Variants in SLC30A1 observed in about 807,000 individuals in gnomAD.
The protein encoded by SLC30A1 is solute carrier family 30 member 1.
SLC30A1 carries 7 observed loss-of-function variants against 29.8 expected under a neutral mutation model. The ratio of observed to expected loss-of-function variants is 0.23; its 90% CI spans 0.13 to 0.44. The LOEUF (loss-of-function observed/expected upper bound fraction) is 0.44, where lower values mean the gene tolerates loss of function less well. Ranked by LOEUF, SLC30A1 falls within the 20% of genes least tolerant of loss-of-function variation. SLC30A1 has a pLI of 1.00. For synonymous variants in SLC30A1, 254 were observed against 253.5 expected, an observed-to-expected ratio of 1.00 and a Z score of -0.02; for missense variants, 446 against 647.9, an observed-to-expected ratio of 0.69 and a Z score of 3.38.
Position 211,574,495 on chromosome 1 carries a change from GATTAC to G in SLC30A1, c.*888_*892del, listed in dbSNP as rs1005660952. 9 of 152,146 alleles carry G rather than the reference GATTAC, an allele frequency of 5.9e-5. No homozygotes were observed. The highest frequency in any genetic ancestry group is 7.4e-5 in the Non-Finnish European group (5 of 67,930). 9.4% of individuals were successfully genotyped at this position (152,146 alleles called of 1,614,324 possible). A position where few individuals can be genotyped will look rare whatever the true frequency, so the allele number is the denominator to read the frequency against. On this transcript the variant is annotated 3_prime_UTR_variant, in exon 2 of 2. Transcript: ENST00000367001. ...TTTTTTTCAAACGCCCGGTTTAAAA[GATTAC>G]ATTAATCGTTTGCGTTTAGCATGTA...
chr1:211,578,944 G>A lies in SLC30A1; in HGVS notation c.-332C>T, dbSNP rs1164975889. Among the ~76,000 whole-genome samples the A allele has an allele frequency of 6.6e-6, 1 of 152,230 alleles. No homozygotes were observed. The highest frequency in any genetic ancestry group is 1.5e-5 in the Non-Finnish European group (1 of 68,032). On this transcript the variant is annotated 5_prime_UTR_variant, in exon 1 of 2. Coordinates refer to ENST00000367001, the MANE Select transcript of SLC30A1 (RefSeq NM_021194.3). Reference sequence around the variant, plus strand: ...CGGGGAGCTGGGCTCCCGGAGCCGGGGTACCAAGAGCCGCAGCCGGAGCAG... The same window carrying A: ...CGGGGAGCTGGGCTCCCGGAGCCGGAGTACCAAGAGCCGCAGCCGGAGCAG...
rs1167539492 is a variant in SLC30A1, at chr1:211,575,371, C to T, written c.*17G>A. ...GCAGTTTAAAGCAAAAGTCAAATAT[C>T]ACATCTTTTTCAAGACTCACAAAGA... On this transcript the variant is annotated 3_prime_UTR_variant, in exon 2 of 2. Coordinates refer to ENST00000367001, the MANE Select transcript of SLC30A1 (RefSeq NM_021194.3). The surrounding 1 kb of genome is among the most constrained non-coding windows in gnomAD (Gnocchi z 6.0). The T allele has an allele frequency of 1.3e-6, 2 of 1,549,068 alleles. No individual in the cohort carries two copies. Among genetic ancestry groups the T allele is most frequent in the Non-Finnish European group, 1.7e-6 (2 of 1,151,722 alleles).
At position 211,577,737 on chromosome 1, in the gene SLC30A1, TC is replaced by T. The variant is rs1021378469; in HGVS notation, c.622+253del. 6.6e-6 allele frequency among the ~76,000 whole-genome samples: 1 copy of T among 152,208 alleles called. No individual in the cohort carries two copies. Among genetic ancestry groups the T allele is most frequent in the African/African-American group, 2.4e-5 (1 of 41,452 alleles). On this transcript the variant is annotated intron_variant, in intron 1 of 1. Transcript: ENST00000367001. The surrounding 1 kb of genome is among the most constrained non-coding windows in gnomAD (Gnocchi z 4.5). ...ATGATGATCACCTCCTGACCCTTTT[TC>T]TTAGGGTCTGACCCACAGCCCCCAC...
Position 211,575,461 on chromosome 1 carries a change from T to G in SLC30A1, c.1451A>C (p.Lys484Thr). Residue 484 changes from lysine to threonine, a missense_variant, in exon 2 of 2, where the codon AAA (lysine) becomes ACA (threonine). Transcript: ENST00000367001. This position sits in a 1 kb window ranked among gnomAD's most constrained non-coding sequence, Gnocchi z 6.0. ...CACAACAGCAGGGATGTTTTCAGCT[T>G]TAGTCCTCCTGGGCTTCTTCTCTAG... ...NNLEKKPRRT[K>T]AENIPAVVIE... The G allele has an allele frequency of 6.2e-7, 1 of 1,614,084 alleles. No individual in the cohort carries two copies. The highest frequency in any genetic ancestry group is 8.5e-7 in the Non-Finnish European group (1 of 1,179,966).
In SLC30A1 at chr1:211,578,196, G is replaced by A; in HGVS notation, c.417C>T (p.Gly139=). The change falls in exon 1 of 2, where the codon GGC becomes GGT. Residue 139 remains glycine (G), a synonymous_variant. Transcript: ENST00000367001. The stretch of plus-strand genomic sequence containing the variant: ...GGCCGTGGCCGGAGTCCTGGCTGAA[G>A]CCGCTGTGATGGTGGAAGAGGCAGA... ...LGLCLFHHHS[G]FSQDSGHGHS... 1 of 1,610,472 alleles carries A rather than the reference G, an allele frequency of 6.2e-7. No homozygotes were observed. Among genetic ancestry groups the A allele is most frequent in the Non-Finnish European group, 8.5e-7 (1 of 1,178,924 alleles).
In SLC30A1 at chr1:211,578,155, T is replaced by C. The variant is rs747596536; in HGVS notation, c.458A>G (p.His153Arg). 6.2e-7 allele frequency: 1 copy of C among 1,608,280 alleles called. No homozygotes were observed. The highest frequency in any genetic ancestry group is 1.1e-5 in the South Asian group (1 of 90,430). ...DSGHGHSHGG[H>R]GHGHGLPKGP... Reference sequence around the variant, plus strand: ...CTTGGGGAGGCCGTGGCCGTGGCCGTGACCCCCGTGCGAGTGGCCGTGGCC... The same window carrying C: ...CTTGGGGAGGCCGTGGCCGTGGCCGCGACCCCCGTGCGAGTGGCCGTGGCC... Residue 153 changes from histidine (H) to arginine (R), a missense_variant, in exon 1 of 2, where the codon CAC becomes CGC. Around this residue, in one of 5 missense-constraint regions of SLC30A1, gnomAD observed 159 missense variants for 161.1 expected, o/e 0.99. Transcript: ENST00000367001.
At position 211,578,454 on chromosome 1, in the gene SLC30A1, C is replaced by T. The variant is rs1313658445; in HGVS notation, c.159G>A (p.Val53=). ...HMLSDVLALV[V]ALVAERFARR... ...GGGCGAAGCGCTCGGCCACCAGCGC[C>T]ACCACCAGCGCCAGCACGTCCGACA... Residue 53 remains valine (V), a synonymous_variant, in exon 1 of 2, where the codon GTG becomes GTA. Coordinates refer to ENST00000367001, the MANE Select transcript of SLC30A1 (RefSeq NM_021194.3). 1 of 1,612,352 alleles carries T rather than the reference C, an allele frequency of 6.2e-7. No homozygotes were observed. The highest frequency in any genetic ancestry group is 2.2e-5 in the East Asian group (1 of 44,810).
In SLC30A1 at chr1:211,573,089, T is replaced by C. The variant is rs1468817689; in HGVS notation, c.*2299A>G. On this transcript the variant is annotated 3_prime_UTR_variant, in exon 2 of 2. Transcript: ENST00000367001. Reference sequence around the variant, plus strand: ...CCTACAATATTTAAATACAAAAGCATGTCTTTTTTAAAAGATAATGCTAAT... The same window carrying C: ...CCTACAATATTTAAATACAAAAGCACGTCTTTTTTAAAAGATAATGCTAAT... The C allele has an allele frequency of 6.6e-6, 1 of 152,094 alleles. No individual in the cohort carries two copies. The highest frequency in any genetic ancestry group is 2.4e-5 in the African/African-American group (1 of 41,454). 9.4% of individuals were successfully genotyped at this position (152,094 alleles called of 1,614,324 possible). A position where few individuals can be genotyped will look rare whatever the true frequency, so the allele number is the denominator to read the frequency against.
rs1167258748 is a variant in SLC30A1, at chr1:211,571,961, T to TAA, written c.*3425_*3426dup. 4.6e-5 allele frequency: 7 copies of TAA among 152,158 alleles called. No homozygotes were observed. The highest frequency in any genetic ancestry group is 2.6e-4 in the Admixed American group (4 of 15,282). The allele number at this position is 152,158 out of a possible 1,614,324, so 9.4% of individuals were successfully genotyped here. On this transcript the variant is annotated 3_prime_UTR_variant, in exon 2 of 2. Transcript: ENST00000367001. Reference sequence around the variant, plus strand: ...ATTTGTGTCTTTTTATATATATATATAACCACATATTAATTGTATGTTACA... The same window carrying TAA: ...ATTTGTGTCTTTTTATATATATATATAAAACCACATATTAATTGTATGTTACA...
chr1:211,578,318 C>T lies in SLC30A1; in HGVS notation c.295G>A (p.Glu99Lys), dbSNP rs915815483. The change falls in exon 1 of 2, where the codon GAG becomes AAG. Residue 99 changes from glutamate (E) to lysine (K), a missense_variant. Glu to Lys is a moderately conservative substitution (Grantham distance 56). Transcript: ENST00000367001. ...GGCTCGATGAAGCGCTCGATGGCCT[C>T]CAGCAGGATGGCGAAACAGAGGCCA... ...LTGLCFAILL[E>K]AIERFIEPHE... is the part of the protein sequence containing the mutation. The T allele has an allele frequency of 6.2e-7, 1 of 1,613,446 alleles. No individual in the cohort carries two copies. Among genetic ancestry groups the T allele is most frequent in the African/African-American group, 1.3e-5 (1 of 75,060 alleles).
rs377184136 is a variant in SLC30A1 at position 211,578,270 on chromosome 1, C to A, written c.343G>T (p.Val115Leu). ...IEPHEMQQPL[V>L]VLGVGVAGLL... is the part of the protein sequence containing the mutation. ...CCGGCCACGCCGACCCCAAGGACCACCAGCGGCTGCTGCATCTCGTGCGGC... is the reference window on the plus strand; with the variant it reads ...CCGGCCACGCCGACCCCAAGGACCAACAGCGGCTGCTGCATCTCGTGCGGC... Residue 115 changes from valine (V) to leucine (L), a missense_variant, in exon 1 of 2, where the codon GTG (valine) becomes TTG (leucine). By Grantham distance (32) the Val-to-Leu change is conservative. Coordinates refer to ENST00000367001, the MANE Select transcript of SLC30A1 (RefSeq NM_021194.3). 4 of 1,612,208 alleles carry A rather than the reference C, an allele frequency of 2.5e-6. No individual in the cohort carries two copies. Among genetic ancestry groups the A allele is most frequent in the Non-Finnish European group, 3.4e-6 (4 of 1,179,604 alleles).
rs1706689452 is a variant in SLC30A1, at chr1:211,574,128, G to A, written c.*1260C>T. The A allele has an allele frequency of 6.6e-6, 1 of 152,100 alleles. No individual in the cohort carries two copies. Among genetic ancestry groups the A allele is most frequent in the East Asian group, 1.9e-4 (1 of 5,188 alleles). 9.4% of individuals were successfully genotyped at this position (152,100 alleles called of 1,614,324 possible). ...TGTCACAAAGCATACCCTCTATCAAGAAAAATATAACTTAAACACCCTTAA... is the reference window on the plus strand; with the variant it reads ...TGTCACAAAGCATACCCTCTATCAAAAAAAATATAACTTAAACACCCTTAA... On this transcript the variant is annotated 3_prime_UTR_variant, in exon 2 of 2. Transcript: ENST00000367001.
rs933662390 is a variant in SLC30A1, at chr1:211,574,752, T to C, written c.*636A>G. ...TATTTAGTTTGGTAAACTTTCTTCCTTGCTCTTACTACCCCATTTGCCCCA... is the reference window on the plus strand; with the variant it reads ...TATTTAGTTTGGTAAACTTTCTTCCCTGCTCTTACTACCCCATTTGCCCCA... On this transcript the variant is annotated 3_prime_UTR_variant, in exon 2 of 2. Transcript: ENST00000367001. 6.6e-6 allele frequency: 1 copy of C among 152,198 alleles called. No individual in the cohort carries two copies. Among genetic ancestry groups the C allele is most frequent in the African/African-American group, 2.4e-5 (1 of 41,468 alleles). The allele number at this position is 152,198 out of a possible 1,614,324, so 9.4% of individuals were successfully genotyped here. A position where few individuals can be genotyped will look rare whatever the true frequency, so the allele number is the denominator to read the frequency against.
rs753701650 is a variant in SLC30A1 at position 211,572,966 on chromosome 1, C to T, written c.*2422G>A. 2.6e-5 allele frequency: 4 copies of T among 152,068 alleles called. No individual in the cohort carries two copies. Among genetic ancestry groups the T allele is most frequent in the African/African-American group, 7.2e-5 (3 of 41,444 alleles). 9.4% of individuals were successfully genotyped at this position (152,068 alleles called of 1,614,324 possible). A position where few individuals can be genotyped will look rare whatever the true frequency, so the allele number is the denominator to read the frequency against. Reference sequence around the variant, plus strand: ...AAACTGATGCAGTGTTATAAAATAGCATATTTAAATATTGGGTTTAAGTCT... The same window carrying T: ...AAACTGATGCAGTGTTATAAAATAGTATATTTAAATATTGGGTTTAAGTCT... On this transcript the variant is annotated 3_prime_UTR_variant, in exon 2 of 2. Transcript: ENST00000367001.
Position 211,577,867 on chromosome 1 carries a change from C to T in SLC30A1, c.622+124G>A. Reference sequence around the variant, plus strand: ...GTGTGCAGGACGGGGAGGGAGCAGGCAGGGGCGGCGCGGCGCAGGCCCGCT... The same window carrying T: ...GTGTGCAGGACGGGGAGGGAGCAGGTAGGGGCGGCGCGGCGCAGGCCCGCT... On this transcript the variant is annotated intron_variant, in intron 1 of 1. Transcript: ENST00000367001. This position sits in a 1 kb window ranked among gnomAD's most constrained non-coding sequence, Gnocchi z 4.5. The T allele has an allele frequency of 7.7e-7, 1 of 1,296,778 alleles. No homozygotes were observed. Among genetic ancestry groups the T allele is most frequent in the Non-Finnish European group, 1.0e-6 (1 of 960,826 alleles). 80.3% of individuals were successfully genotyped at this position (1,296,778 alleles called of 1,614,324 possible).
chr1:211,578,633 C>A lies in SLC30A1; in HGVS notation c.-21G>T. ...CCCATGGCTGCGGCTGCGGGGCCCGCCGAGCCCGGCCCGGAGACTGGTGCA... is the reference window on the plus strand; with the variant it reads ...CCCATGGCTGCGGCTGCGGGGCCCGACGAGCCCGGCCCGGAGACTGGTGCA... On this transcript the variant is annotated 5_prime_UTR_variant, in exon 1 of 2. Transcript: ENST00000367001. The A allele has an allele frequency of 6.6e-7, 1 of 1,517,530 alleles. No homozygotes were observed. Among genetic ancestry groups the A allele is most frequent in the Admixed American group, 2.1e-5 (1 of 48,196 alleles). 94.0% of individuals were successfully genotyped at this position (1,517,530 alleles called of 1,614,324 possible). A position where few individuals can be genotyped will look rare whatever the true frequency, so the allele number is the denominator to read the frequency against.
At position 211,575,405 on chromosome 1, in the gene SLC30A1, GTTGT is replaced by G. The variant is rs764199272; in HGVS notation, c.1503_1506del (p.Lys501AsnfsTer9). On this transcript the variant is annotated frameshift_variant, in exon 2 of 2. Coordinates refer to ENST00000367001, the MANE Select transcript of SLC30A1 (RefSeq NM_021194.3). LOFTEE classifies it high-confidence loss of function. This position sits in a 1 kb window ranked among gnomAD's most constrained non-coding sequence, Gnocchi z 6.0. Reference sequence around the variant, plus strand: ...TTCAAGACTCACAAAGATGATTCAGGTTGTTTGTTTGGCATGTTTTTAATCTCTA... The same window carrying G: ...TTCAAGACTCACAAAGATGATTCAGGTTGTTTGGCATGTTTTTAATCTCTA... The G allele has an allele frequency of 8.8e-6, 14 of 1,595,790 alleles. No homozygotes were observed. The highest frequency in any genetic ancestry group is 2.2e-5 in the East Asian group (1 of 44,754).
chr1:211,572,895 A>G lies in SLC30A1; in HGVS notation c.*2493T>C, dbSNP rs181371594. On this transcript the variant is annotated 3_prime_UTR_variant, in exon 2 of 2. Transcript: ENST00000367001. Reference sequence around the variant, plus strand: ...GTTTCTAAACACATATTCTACACTGATCTTGCTCAAATATAAAAGAGCCAG... The same window carrying G: ...GTTTCTAAACACATATTCTACACTGGTCTTGCTCAAATATAAAAGAGCCAG... The G allele has an allele frequency of 6.6e-6, 1 of 152,248 alleles. No individual in the cohort carries two copies. Among genetic ancestry groups the G allele is most frequent in the East Asian group, 1.9e-4 (1 of 5,190 alleles). The allele number at this position is 152,248 out of a possible 1,614,324, so 9.4% of individuals were successfully genotyped here. A position where few individuals can be genotyped will look rare whatever the true frequency, so the allele number is the denominator to read the frequency against.
chr1:211,576,523 C>G (rs1706720420), intron 1 of SLC30A1, among the ~76,000 whole-genome samples: 1 of 152,168 alleles, frequency 6.6e-6, no homozygotes, highest in South Asian at 2.1e-4. Flanking sequence ...TAACCACTCT[C>G]CTGCCTCCTC....
Sources: gnomAD v4.1 joint callset for allele counts (sites outside exome capture counted in the v4.1 genomes callset) on GRCh38, gnomAD v4.1.1 for gene constraint, gnomAD v4.1.1 regional missense constraint, Gnocchi (gnomAD v3.1) non-coding constraint, MANE v1.5 for transcripts, NCBI Gene and HGNC (gene_info 2026-07-23, HGNC 2026-07-21) for gene names.